ABI3BP: variants seen among roughly 807,000 people sequenced by gnomAD.
ABI3BP encodes the protein ABI family member 3 binding protein, also known as target of Nesh-SH3.
In ABI3BP, 216 loss-of-function variants were observed where a neutral mutation model predicts 268.6. The ratio of observed to expected loss-of-function variants is 0.80; its 90% confidence interval spans 0.72 to 0.90. The LOEUF is 0.90. Ranked by LOEUF, ABI3BP falls within the 40% of genes least tolerant of loss-of-function variation. The pLI is 0.00. For missense variants in ABI3BP, 2,090 were observed against 2,182.4 expected, an observed-to-expected ratio of 0.96 and a Z score of 0.84; for synonymous variants, 730 against 730.0, an observed-to-expected ratio of 1.00 and a Z score of 0.00.
In ABI3BP at chr3:100,801,499, C is replaced by T. The variant is rs185309558; in HGVS notation, c.3757+3293G>A. Among the ~76,000 whole-genome samples, 3 of 149,280 alleles carry T rather than the reference C, an allele frequency of 2.0e-5. No homozygotes were observed. In the East Asian group the frequency reaches 5.9e-4, roughly 29 times the overall value. On this transcript the variant is annotated intron_variant, in intron 51 of 67. Transcript: ENST00000471714. ...ATTAATTTATTAATCACATCAATGG[C>T]ATATATAAGCTTAAAGAGATTTTGA...
At chr3:100,884,459 T>TC (rs2040922632) in intron 6 of ABI3BP, among the ~76,000 whole-genome samples, 1 of 152,168 alleles carries the variant, frequency 6.6e-6, no homozygotes, top group East Asian at 1.9e-4. Flanking sequence ...AACATTTGCC[T>TC]TAGGCAGATT....
intron 50 of ABI3BP, among the ~76,000 whole-genome samples, chr3:100,807,239 T>C (rs1178909655): frequency 6.6e-6 from 1 of 152,014 alleles, no homozygotes; most frequent in Non-Finnish European, 1.5e-5. Context: ...GTTTATTTAA[T>C]AACTTGGTAT....
intron 1 of ABI3BP, among the ~76,000 whole-genome samples, chr3:100,939,593 T>A (rs2153703856): frequency 6.6e-6 from 1 of 152,156 alleles, no homozygotes; most frequent in African/African-American, 2.4e-5. Flanking sequence ...CGAATAGGTG[T>A]GGGTCACAGA....
chr3:100,902,761 T>C, intron 2 of ABI3BP, 75 bp from the exon 3 acceptor site: 3 of 1,225,778 alleles, frequency 2.4e-6, no homozygotes, highest in South Asian at 1.3e-5. Flanking sequence ...CCTACCCTGA[T>C]TCAGCATTCC....
At chr3:100,876,017 G>T (rs1173020554) in intron 7 of ABI3BP, among the ~76,000 whole-genome samples, 6 of 152,086 alleles carry the variant, frequency 3.9e-5, no homozygotes, top group Admixed American at 3.9e-4. Context: ...TGAAAATGAA[G>T]AACTATTTTT....
chr3:100,962,072 T>TC (rs1410321850), intron 1 of ABI3BP, among the ~76,000 whole-genome samples: 12 of 152,164 alleles, frequency 7.9e-5, no homozygotes, highest in Admixed American at 6.5e-5. Flanking sequence ...AAATTCATGG[T>TC]CACTAATCTC....
At chr3:100,824,735 A>G (rs1409543407) in intron 36 of ABI3BP, 123 bp downstream of exon 36, 3 of 706,420 alleles carry the variant, frequency 4.2e-6, no homozygotes, top group Non-Finnish European at 6.8e-6. Context: ...GGTACTGATG[A>G]TGCCTTATGC....
intron 1 of ABI3BP, among the ~76,000 whole-genome samples, chr3:100,950,732 G>C (rs62273935): frequency 0.1 from 15,725 of 151,770 alleles, 1,127 homozygotes; most frequent in Non-Finnish European, 0.15. Context: ...ATATCTAATG[G>C]CATTTCATAT....
intron 51 of ABI3BP, among the ~76,000 whole-genome samples, chr3:100,799,498 T>C (rs1560205950): frequency 6.6e-6 from 1 of 152,204 alleles, no homozygotes; most frequent in African/African-American, 2.4e-5. Context: ...TGGAAACTGC[T>C]AATTCTGAAG....
At chr3:100,849,697 G>C (rs934874995) in intron 17 of ABI3BP, among the ~76,000 whole-genome samples, 1 of 152,112 alleles carries the variant, frequency 6.6e-6, no homozygotes, top group Non-Finnish European at 1.5e-5. Context: ...AGACTACTTT[G>C]GGTAAAATAC....
At chr3:100,813,625 C>G in intron 45 of ABI3BP, 36 bp downstream of exon 45, 1 of 1,468,180 alleles carries the variant, frequency 6.8e-7, no homozygotes, top group Non-Finnish European at 9.2e-7. Flanking sequence ...TCTTAAAGCA[C>G]ACAGTATACC....
chr3:100,753,712 A>C, intron 65 of ABI3BP, 107 bp downstream of exon 65: 1 of 1,217,660 alleles, frequency 8.2e-7, no homozygotes, highest in Admixed American at 2.0e-5. Context: ...TGTTATAAGA[A>C]GACTAAGTGG....
At chr3:100,872,289 G>T (rs2099117532) in intron 9 of ABI3BP, among the ~76,000 whole-genome samples, 1 of 152,022 alleles carries the variant, frequency 6.6e-6, no homozygotes, top group Admixed American at 6.6e-5. Flanking sequence ...GACTTTTAGT[G>T]AATCATATCA....
rs72932504 is a variant in ABI3BP, at chr3:100,806,061, T to G, written c.3683-1195A>C. On this transcript the variant is annotated intron_variant, in intron 50 of 67. Coordinates refer to ENST00000471714, the MANE Select transcript of ABI3BP (RefSeq NM_001375547.2). ...CACTGGGATCTAAGAAGTCAAACTT[T>G]ATTGACTTATAAAATATTCCTTATG... Among the ~76,000 whole-genome samples the G allele has an allele frequency of 4.6e-3, 705 of 152,168 alleles. 7 individuals are homozygous for G. The highest frequency in any genetic ancestry group is 0.016 in the African/African-American group (681 of 41,524).
At chr3:100,768,779 C>G (rs2096430981) in intron 62 of ABI3BP, among the ~76,000 whole-genome samples, 2 of 152,240 alleles carry the variant, frequency 1.3e-5, no homozygotes, top group South Asian at 4.1e-4. Flanking sequence ...TAAAATAAAG[C>G]TGGTCTGGGA....
chr3:100,811,126 T>C, intron 48 of ABI3BP, 104 bp downstream of exon 48: 1 of 921,438 alleles, frequency 1.1e-6, no homozygotes, highest in Non-Finnish European at 1.6e-6. Flanking sequence ...TGGCGAAGAG[T>C]GACGGTGTAA....
At chr3:100,820,174 T>A (rs1431387407) in intron 40 of ABI3BP, 46 bp downstream of exon 40, 17 of 1,461,192 alleles carry the variant, frequency 1.2e-5, no homozygotes, top group Non-Finnish European at 1.6e-5. Flanking sequence ...TATAAATTCC[T>A]GAGAGCAGCT....
At chr3:100,853,835 A>G (rs1049315648) in intron 14 of ABI3BP, among the ~76,000 whole-genome samples, 3 of 152,178 alleles carry the variant, frequency 2.0e-5, no homozygotes, top group African/African-American at 7.2e-5. Flanking sequence ...GGGATCCCTT[A>G]ACTTCCAAAC....
At chr3:100,879,935 C>T (rs2099209197) in intron 6 of ABI3BP, among the ~76,000 whole-genome samples, 1 of 152,160 alleles carries the variant, frequency 6.6e-6, no homozygotes, top group African/African-American at 2.4e-5. Flanking sequence ...AATGTGAATC[C>T]TCTCCTATGT....
Sources: gnomAD v4.1 joint callset for allele counts (sites outside exome capture counted in the v4.1 genomes callset) on GRCh38, gnomAD v4.1.1 for gene constraint, MANE v1.5 for transcripts, NCBI Gene and HGNC (gene_info 2026-07-23, HGNC 2026-07-21) for gene names.